The following SLC9A3 variants were observed in gnomAD, a reference collection of about 807,000 sequenced individuals.
SLC9A3 encodes the protein sodium/hydrogen exchanger 3.
Under a neutral mutation model 86.8 loss-of-function variants are expected in SLC9A3, and 37 were observed. That is an observed-to-expected ratio of 0.43 (90% CI 0.33 to 0.56). SLC9A3 has a LOEUF of 0.56. Ranked by LOEUF, SLC9A3 falls within the 20% of genes least tolerant of loss-of-function variation. The probability of loss-of-function intolerance (pLI) is 0.06; values close to 1 mark genes in which losing one functional copy is unlikely to be tolerated. For synonymous variants in SLC9A3, 581 were observed against 528.3 expected (o/e 1.10, Z -1.37); for missense variants, 1,011 against 1,171.9 (o/e 0.86, Z 2.00).
intron 9 of SLC9A3, 103 bp downstream of exon 9, chr5:481,462 G>GACTC (rs1739159329): frequency 9.9e-7 from 1 of 1,008,450 alleles, no homozygotes; most frequent in Non-Finnish European, 1.6e-6. Flanking sequence ...ACCAAGCCTG[G>GACTC]ACTCAAACAG....
chr5:477,345 C>T lies in SLC9A3; in HGVS notation c.1747G>A (p.Val583Ile). Residue 583 changes from valine (V) to isoleucine (I), a missense_variant, in exon 11 of 17, where the codon GTC becomes ATC. Physicochemically the swap from Val to Ile is conservative, Grantham distance 29 (BLOSUM62 3). Transcript: ENST00000264938. ...ATGGCCACATACAGGAGGTAGGAGA[C>T]AGAGGCCTCCACGGTGGACGATCGT... ...TPRSSTVEAS[V>I]SYLLRENVSA... 6.2e-7 allele frequency: 1 copy of T among 1,608,192 alleles called. No homozygotes were observed. Among genetic ancestry groups the T allele is most frequent in the Non-Finnish European group, 8.5e-7 (1 of 1,176,372 alleles).
intron 3 of SLC9A3, among the ~76,000 whole-genome samples, chr5:486,502 C>T (rs1467332610): frequency 6.6e-6 from 1 of 152,216 alleles, no homozygotes; most frequent in African/African-American, 2.4e-5. Context: ...CTTTGGGCCT[C>T]TGTGGAGGCA....
At position 471,163 on chromosome 5, in the gene SLC9A3, T is replaced by TC. The variant is rs1297487529; in HGVS notation, c.*2215dup. ...ACCCCCGGTGCTGAAGACCGACCAG[T>TC]CAAGGAGGTGTTGGTGGGAGTGTTG... is the stretch of plus-strand genomic sequence containing the variant. On this transcript the variant is annotated 3_prime_UTR_variant, in exon 17 of 17. Coordinates refer to ENST00000264938, the MANE Select transcript of SLC9A3 (RefSeq NM_004174.4). The TC allele has an allele frequency of 1.3e-5, 2 of 156,690 alleles. No homozygotes were observed. The highest frequency in any genetic ancestry group is 4.8e-5 in the African/African-American group (2 of 41,490). The allele number at this position is 156,690 out of a possible 1,614,324, so 9.7% of individuals were successfully genotyped here. A position where few individuals can be genotyped will look rare whatever the true frequency, so the allele number is the denominator to read the frequency against.
Position 471,997 on chromosome 5 carries a change from A to C in SLC9A3, c.*1382T>G. On this transcript the variant is annotated 3_prime_UTR_variant, in exon 17 of 17. Transcript: ENST00000264938. ...CGTGAATAGTTTAATTTTCCTGAGC[A>C]AGGAGCTGCGAGTCTAGCTTTAGAA... 2.2e-6 allele frequency: 1 copy of C among 456,666 alleles called. No individual in the cohort carries two copies. The highest frequency in any genetic ancestry group is 4.4e-6 in the Non-Finnish European group (1 of 226,952). 28.3% of individuals were successfully genotyped at this position (456,666 alleles called of 1,614,324 possible).
chr5:510,624 C>T (rs149931363), intron 1 of SLC9A3, among the ~76,000 whole-genome samples: 242 of 152,348 alleles, frequency 1.6e-3, no homozygotes, highest in African/African-American at 5.4e-3. Context: ...AGTGCATTTT[C>T]AGGCATTTGC....
rs1210868780 is a variant in SLC9A3, at chr5:492,001, C to T, written c.282G>A (p.Val94=). ...CGGCCGCCCAGACGATGCCGCCCAG[C>T]ACCAGGCCCAGCACGATGAGCAGGG... ...ESALLIVLGL[V]LGGIVWAADH... is the part of the protein sequence containing the mutation. The change falls in exon 2 of 17, where the codon GTG becomes GTA. Residue 94 remains valine (V), a synonymous_variant. Transcript: ENST00000264938. 1 of 1,597,568 alleles carries T rather than the reference C, an allele frequency of 6.3e-7. No individual in the cohort carries two copies. Among genetic ancestry groups the T allele is most frequent in the Non-Finnish European group, 8.5e-7 (1 of 1,172,416 alleles).
chr5:477,103 C>T (rs992888071), intron 11 of SLC9A3: 2 of 522,814 alleles, frequency 3.8e-6, no homozygotes, highest in Non-Finnish European at 3.4e-6. Context: ...CAGGCCTGGC[C>T]CCCAGTCCGC....
At chr5:492,280 G>A in intron 1 of SLC9A3, among the ~76,000 whole-genome samples, 1 of 89,828 alleles carries the variant, frequency 1.1e-5, no homozygotes, top group South Asian at 4.0e-4. Flanking sequence ...AGGGAGGTCG[G>A]GGTGGGACCC....
At chr5:479,620 C>G (rs1035274113) in intron 10 of SLC9A3, 12 of 553,414 alleles carry the variant, frequency 2.2e-5, no homozygotes, top group African/African-American at 1.9e-4. Context: ...CCCCCACCAG[C>G]ACCACAGTCA....
intron 1 of SLC9A3, among the ~76,000 whole-genome samples, chr5:520,085 C>T (rs1733842592): frequency 6.8e-6 from 1 of 147,532 alleles, no homozygotes; most frequent in African/African-American, 2.5e-5. Flanking sequence ...GTCCTGGTTT[C>T]CCCGTGGGCA....
chr5:509,733 AGAG>A (rs1184643309), intron 1 of SLC9A3, among the ~76,000 whole-genome samples: 2 of 152,134 alleles, frequency 1.3e-5, no homozygotes, highest in Non-Finnish European at 2.9e-5. Flanking sequence ...TCAGGGAGTG[AGAG>A]GAGAATGGGG....
intron 9 of SLC9A3, 167 bp from the exon 10 acceptor site, chr5:480,132 T>G (rs1016839887): frequency 3.0e-6 from 2 of 656,926 alleles, no homozygotes; most frequent in African/African-American, 3.7e-5. Flanking sequence ...CCGTCCGCCG[T>G]TCTCCCGCCT....
In SLC9A3 at chr5:491,790, C is replaced by T. The variant is rs369854335; in HGVS notation, c.493G>A (p.Val165Ile). The change falls in exon 2 of 17, where the codon GTC (valine) becomes ATC (isoleucine). Residue 165 changes from valine (V) to isoleucine (I), a missense_variant. By Grantham distance (29) the Val-to-Ile change is conservative. This residue lies in a region of SLC9A3 where 565 missense variants were observed against 790.0 expected (regional missense o/e 0.72). Coordinates refer to ENST00000264938, the MANE Select transcript of SLC9A3 (RefSeq NM_004174.4). This position sits in a 1 kb window ranked among gnomAD's most constrained non-coding sequence, Gnocchi z 9.2. ...TCACCCATGAGCCCACTGAGGAAGA[C>T]GCCGTAGAGGGACAGCCCGGTGGTG... ...AATTGLSLYG[V>I]FLSGLMGDLQ... The T allele has an allele frequency of 6.5e-5, 102 of 1,561,108 alleles. 1 individual carries two copies. The highest frequency in any genetic ancestry group is 3.3e-4 in the Middle Eastern group (2 of 5,994).
At chr5:492,753 G>T (rs1739844251) in intron 1 of SLC9A3, among the ~76,000 whole-genome samples, 1 of 152,152 alleles carries the variant, frequency 6.6e-6, no homozygotes, top group Non-Finnish European at 1.5e-5. Flanking sequence ...TGGTGACCAA[G>T]GTCTGAGCTC....
intron 1 of SLC9A3, among the ~76,000 whole-genome samples, chr5:492,885 C>T (rs1739851615): frequency 6.6e-6 from 1 of 152,120 alleles, no homozygotes; most frequent in Non-Finnish European, 1.5e-5. Flanking sequence ...CTCCTGGGAT[C>T]ACGGCCCCTG....
rs915194417 is a variant in SLC9A3 at position 496,527 on chromosome 5, T to C, written c.212-4456A>G. ...TAAGCTGGAAAATCCAGCCTTTGCT[T>C]ATGTCTTCAGCGGCAGGTAGATTTT... On this transcript the variant is annotated intron_variant, in intron 1 of 16. Transcript: ENST00000264938. The surrounding 1 kb of genome is among the most constrained non-coding windows in gnomAD (Gnocchi z 4.7). 6.6e-6 allele frequency among the ~76,000 whole-genome samples: 1 copy of C among 152,264 alleles called. No homozygotes were observed. The highest frequency in any genetic ancestry group is 2.4e-5 in the African/African-American group (1 of 41,468).
At position 497,759 on chromosome 5, in the gene SLC9A3, C is replaced by T. The variant is rs1423811909; in HGVS notation, c.212-5688G>A. ...GCATCCCCAGCCTCTGCCCCTGTCCCGGGTGGGGTCGCCCGGCCGCATCCC... is the reference window on the plus strand; with the variant it reads ...GCATCCCCAGCCTCTGCCCCTGTCCTGGGTGGGGTCGCCCGGCCGCATCCC... On this transcript the variant is annotated intron_variant, in intron 1 of 16. Coordinates refer to ENST00000264938, the MANE Select transcript of SLC9A3 (RefSeq NM_004174.4). The surrounding 1 kb of genome is among the most constrained non-coding windows in gnomAD (Gnocchi z 5.4). Among the ~76,000 whole-genome samples the T allele has an allele frequency of 4.0e-5, 4 of 99,622 alleles. No individual in the cohort carries two copies. Among genetic ancestry groups the T allele is most frequent in the South Asian group, 4.5e-4 (1 of 2,230 alleles). 65.4% of individuals were successfully genotyped at this position (99,622 alleles called of 152,430 possible). A position where few individuals can be genotyped will look rare whatever the true frequency, so the allele number is the denominator to read the frequency against.
At chr5:501,738 C>T (rs1010852131) in intron 1 of SLC9A3, among the ~76,000 whole-genome samples, 25 of 152,338 alleles carry the variant, frequency 1.6e-4, no homozygotes, top group Admixed American at 1.2e-3. Context: ...GGGGCACCGG[C>T]GAGGAATCAC....
At chr5:493,619 T>C (rs1210287954) in intron 1 of SLC9A3, among the ~76,000 whole-genome samples, 1 of 152,196 alleles carries the variant, frequency 6.6e-6, no homozygotes, top group Non-Finnish European at 1.5e-5. Flanking sequence ...AGGCACAAGC[T>C]CCGCACCTGC....
Sources: allele counts gnomAD v4.1 joint callset (sites outside exome capture counted in the v4.1 genomes callset), GRCh38; gene constraint gnomAD v4.1.1; regional missense constraint gnomAD v4.1.1; non-coding constraint Gnocchi (gnomAD v3.1); transcripts MANE v1.5; gene names NCBI Gene and HGNC (gene_info 2026-07-23, HGNC 2026-07-21).